CDH4: variants seen among roughly 807,000 people sequenced by gnomAD.
CDH4 encodes the protein cadherin-4.
Under a neutral mutation model 86.0 loss-of-function variants are expected in CDH4, and 33 were observed. That is an observed-to-expected ratio of 0.38 (90% CI 0.29 to 0.51). CDH4 has a LOEUF of 0.51. Among genes scored for constraint, CDH4 ranks in the 20% least tolerant of loss-of-function variants. CDH4 has a pLI of 0.86. For missense variants in CDH4, 1,114 were observed against 1,307.4 expected, an observed-to-expected ratio of 0.85 and a Z score of 2.28; for synonymous variants, 555 against 549.4, an observed-to-expected ratio of 1.01 and a Z score of -0.14.
chr20:61,827,475 G>C (rs920146276), intron 4 of CDH4, among the ~76,000 whole-genome samples: 2 of 152,194 alleles, frequency 1.3e-5, no homozygotes, highest in African/African-American at 4.8e-5. Flanking sequence ...TATTGGTATG[G>C]GAGAAAGGAG....
At chr20:61,311,904 G>A (rs1477952200) in intron 2 of CDH4, among the ~76,000 whole-genome samples, 1 of 152,284 alleles carries the variant, frequency 6.6e-6, no homozygotes, top group African/African-American at 2.4e-5. Context: ...GGAGCCGGCT[G>A]CATCCACACC....
chr20:61,493,950 C>T (rs1037625057), intron 2 of CDH4, among the ~76,000 whole-genome samples: 6 of 152,188 alleles, frequency 3.9e-5, no homozygotes, highest in African/African-American at 1.4e-4. Flanking sequence ...CCACAAACCT[C>T]CCCCTGAAGC....
intron 2 of CDH4, among the ~76,000 whole-genome samples, chr20:61,736,719 G>T (rs375787701): frequency 6.6e-6 from 1 of 152,252 alleles, no homozygotes; most frequent in East Asian, 1.9e-4. Flanking sequence ...ATCCAGAGGC[G>T]CATTCACGAC....
intron 3 of CDH4, among the ~76,000 whole-genome samples, chr20:61,758,813 G>A (rs72658788): frequency 0.011 from 1,690 of 152,288 alleles, 33 homozygotes; most frequent in African/African-American, 0.038. Context: ...CTGAGAGGGC[G>A]CACAGGCGTG....
chr20:61,927,304 C>T (rs2055055114), intron 11 of CDH4, among the ~76,000 whole-genome samples: 1 of 151,808 alleles, frequency 6.6e-6, no homozygotes, highest in Admixed American at 6.6e-5. Context: ...AGATTCCAGC[C>T]ACCTGGCCTG....
intron 2 of CDH4, among the ~76,000 whole-genome samples, chr20:61,352,091 CTCT>C (rs1374267147): frequency 2.0e-5 from 3 of 151,974 alleles, no homozygotes; most frequent in Admixed American, 6.6e-5. Context: ...CAAATCCTAG[CTCT>C]TCTTCATTCT....
chr20:61,376,307 C>T (rs1483273447), intron 2 of CDH4, among the ~76,000 whole-genome samples: 1 of 151,870 alleles, frequency 6.6e-6, no homozygotes, highest in African/African-American at 2.4e-5. Context: ...ACAAAAGTGC[C>T]TGGAATTCTG....
chr20:61,282,677 T>G (rs2084266364), intron 2 of CDH4, among the ~76,000 whole-genome samples: 1 of 152,206 alleles, frequency 6.6e-6, no homozygotes, highest in South Asian at 2.1e-4. Flanking sequence ...TGTGCACACG[T>G]GTGTGGCTGT....
At chr20:61,835,881 C>G (rs892508628) in intron 4 of CDH4, among the ~76,000 whole-genome samples, 6 of 152,202 alleles carry the variant, frequency 3.9e-5, no homozygotes, top group Admixed American at 3.9e-4. Context: ...TAAGGGCTCC[C>G]CAGACAGCAC....
chr20:61,910,359 C>G (rs533119956), intron 8 of CDH4, 63 bp from the exon 9 acceptor site: 9 of 1,426,858 alleles, frequency 6.3e-6, no homozygotes, highest in Admixed American at 3.4e-5. Flanking sequence ...ATGCTACGTG[C>G]ACTTCTCTGT....
intron 2 of CDH4, among the ~76,000 whole-genome samples, chr20:61,381,176 C>T (rs2084898818): frequency 6.6e-6 from 1 of 152,148 alleles, no homozygotes; most frequent in African/African-American, 2.4e-5. Flanking sequence ...GCCTGCGCTC[C>T]TTAATGCGTC....
chr20:61,343,989 A>G (rs558824199), intron 2 of CDH4, among the ~76,000 whole-genome samples: 4 of 152,264 alleles, frequency 2.6e-5, no homozygotes, highest in East Asian at 3.9e-4. Context: ...AAAGGATTGT[A>G]CCTACGTGAA....
At chr20:61,256,876 G>A (rs993488322) in intron 2 of CDH4, among the ~76,000 whole-genome samples, 1 of 152,206 alleles carries the variant, frequency 6.6e-6, no homozygotes, top group African/African-American at 2.4e-5. Context: ...TGAAGGTGTA[G>A]AGTCTCAGGA....
chr20:61,470,978 G>T (rs113382050), intron 2 of CDH4, among the ~76,000 whole-genome samples: 1 of 152,066 alleles, frequency 6.6e-6, no homozygotes, highest in African/African-American at 2.4e-5. Flanking sequence ...ATTCATCAGG[G>T]ATATTGGTTT....
intron 2 of CDH4, among the ~76,000 whole-genome samples, chr20:61,268,390 G>A (rs1262282649): frequency 6.6e-6 from 1 of 152,292 alleles, no homozygotes; most frequent in Non-Finnish European, 1.5e-5. Flanking sequence ...CCTGCACACG[G>A]GGAGGCCCAG....
chr20:61,460,898 T>C (rs533255425), intron 2 of CDH4, among the ~76,000 whole-genome samples: 1 of 152,184 alleles, frequency 6.6e-6, no homozygotes, highest in Admixed American at 6.5e-5. Context: ...TATTCCCTGG[T>C]GGCTCTCTTG....
intron 3 of CDH4, among the ~76,000 whole-genome samples, chr20:61,757,243 CAG>C: frequency 6.6e-6 from 1 of 151,200 alleles, no homozygotes; most frequent in Admixed American, 6.6e-5. Flanking sequence ...ACCCCCCCCC[CAG>C]CCCCCTCCAG....
chr20:61,638,272 G>A (rs2427213), intron 2 of CDH4, among the ~76,000 whole-genome samples: 2 of 152,010 alleles, frequency 1.3e-5, no homozygotes, highest in African/African-American at 2.4e-5. Flanking sequence ...CACTTACCTC[G>A]ATGAGTATTT....
rs1345312413 is a variant in CDH4 at position 61,544,606 on chromosome 20, G to A, written c.170-198957G>A. On this transcript the variant is annotated intron_variant, in intron 2 of 15. Transcript: ENST00000614565. The surrounding 1 kb of genome is among the most constrained non-coding windows in gnomAD (Gnocchi z 6.5). ...GGCATGACCGTGTGTGATGGGATGT[G>A]CCGGGGGCAGACAGGGCCCACCAGA... Among the ~76,000 whole-genome samples the A allele has an allele frequency of 3.3e-5, 5 of 152,026 alleles. No homozygotes were observed. Among genetic ancestry groups the A allele is most frequent in the Admixed American group, 1.3e-4 (2 of 15,282 alleles).
Sources: gnomAD v4.1 joint callset for allele counts (sites outside exome capture counted in the v4.1 genomes callset) on GRCh38, gnomAD v4.1.1 for gene constraint, Gnocchi (gnomAD v3.1) non-coding constraint, MANE v1.5 for transcripts, NCBI Gene and HGNC (gene_info 2026-07-23, HGNC 2026-07-21) for gene names.